The following PDE11A variants were observed in gnomAD, a reference collection of about 807,000 sequenced individuals.
PDE11A encodes phosphodiesterase 11A.
Under a neutral mutation model 100.5 loss-of-function variants are expected in PDE11A, and 100 were observed. The ratio of observed to expected loss-of-function variants is 1.00; its 90% CI spans 0.85 to 1.18. The LOEUF is 1.18. PDE11A is among the 50% of genes most tolerant of loss of function. The pLI, the probability that PDE11A is intolerant of heterozygous loss-of-function variation, is 0.00. For missense variants in PDE11A, 1,141 were observed against 1,152.6 expected (o/e 0.99, Z 0.15); for synonymous variants, 381 against 420.8 (o/e 0.91, Z 1.16).
At chr2:177,697,665 A>T (rs2081134098) in intron 14 of PDE11A, among the ~76,000 whole-genome samples, 1 of 152,228 alleles carries the variant, frequency 6.6e-6, no homozygotes, top group African/African-American at 2.4e-5. Flanking sequence ...TTAGTCTCAA[A>T]GGGAAAATCT....
intron 13 of PDE11A, chr2:177,702,531 T>C (rs1356818174): frequency 6.6e-6 from 1 of 152,182 alleles, no homozygotes; most frequent in Non-Finnish European, 1.5e-5. Context: ...AACTTGGAAA[T>C]GCTGGAGATT....
intron 2 of PDE11A, among the ~76,000 whole-genome samples, chr2:178,081,287 C>T (rs896903713): frequency 1.3e-5 from 2 of 152,022 alleles, no homozygotes; most frequent in African/African-American, 2.4e-5. Context: ...ACATAACCTG[C>T]TTTTTAATGA....
chr2:178,003,264 C>T (rs2086166626), intron 2 of PDE11A, among the ~76,000 whole-genome samples: 1 of 152,004 alleles, frequency 6.6e-6, no homozygotes, highest in Non-Finnish European at 1.5e-5. Context: ...TTCATAGAAG[C>T]ATTATTCATA....
chr2:177,667,862 G>A (rs1196681077), intron 18 of PDE11A, among the ~76,000 whole-genome samples: 1 of 152,136 alleles, frequency 6.6e-6, no homozygotes, highest in East Asian at 1.9e-4. Flanking sequence ...ATTAGCCTTT[G>A]TCTCCATGAA....
intron 7 of PDE11A, 44 bp from the exon 8 acceptor site, chr2:177,817,969 C>A (rs1217309189): frequency 4.5e-6 from 4 of 893,638 alleles, no homozygotes; most frequent in Non-Finnish European, 5.7e-6. Flanking sequence ...TAGTACTGGA[C>A]ATTGTGTTTC....
rs566468143 is a variant in PDE11A at position 177,684,059 on chromosome 2, T to C, written c.2346-3156A>G. Among the ~76,000 whole-genome samples the C allele has an allele frequency of 3.9e-5, 6 of 152,344 alleles. No homozygotes were observed. In the South Asian group the frequency reaches 1.2e-3, roughly 32 times the overall value. On this transcript the variant is annotated intron_variant, in intron 15 of 19. Transcript: ENST00000286063. ...ATACAAATTGGACTAACTGGACTAA[T>C]GGAGATCTAACAGTTTGCCCAGTTT...
At chr2:177,876,979 T>C (rs2105697584) in intron 4 of PDE11A, among the ~76,000 whole-genome samples, 1 of 147,846 alleles carries the variant, frequency 6.8e-6, no homozygotes, top group East Asian at 1.9e-4. Flanking sequence ...GCCAGATGGT[T>C]GAAGCTTAAA....
chr2:178,103,164 G>T (rs919755146), intron 2 of PDE11A, among the ~76,000 whole-genome samples: 2 of 143,426 alleles, frequency 1.4e-5, no homozygotes, highest in African/African-American at 5.3e-5. Flanking sequence ...TGTTGTTGTT[G>T]TTAAATATAC....
intron 6 of PDE11A, among the ~76,000 whole-genome samples, chr2:177,839,867 G>GATA (rs1390463262): frequency 6.6e-6 from 1 of 152,170 alleles, no homozygotes; most frequent in Non-Finnish European, 1.5e-5. Context: ...TATCAACACA[G>GATA]TGTGCCTAGA....
chr2:177,678,257 G>A (rs1048929721), intron 16 of PDE11A, among the ~76,000 whole-genome samples: 1 of 152,120 alleles, frequency 6.6e-6, no homozygotes, highest in Non-Finnish European at 1.5e-5. Context: ...AAACACAAAC[G>A]ACACCCAGAG....
intron 10 of PDE11A, among the ~76,000 whole-genome samples, chr2:177,746,841 C>T (rs983236505): frequency 1.3e-5 from 2 of 152,104 alleles, no homozygotes; most frequent in Non-Finnish European, 2.9e-5. Flanking sequence ...ATGAAACTTG[C>T]AGTATAGAGA....
intron 4 of PDE11A, among the ~76,000 whole-genome samples, chr2:177,891,481 A>G (rs1182247939): frequency 6.6e-6 from 1 of 152,226 alleles, no homozygotes. Context: ...GCTTATTCTC[A>G]TCAGAATTGA....
intron 9 of PDE11A, among the ~76,000 whole-genome samples, chr2:177,787,182 C>A (rs1016523798): frequency 2.1e-5 from 3 of 146,022 alleles, no homozygotes; most frequent in Non-Finnish European, 3.0e-5. Flanking sequence ...AGACTAACAG[C>A]GGATCTCTCG....
At chr2:177,943,482 G>T (rs541246606) in intron 2 of PDE11A, among the ~76,000 whole-genome samples, 64 of 152,246 alleles carry the variant, frequency 4.2e-4, no homozygotes, top group African/African-American at 1.4e-3. Context: ...AATGATAAAT[G>T]ATGTTGAGCA....
intron 12 of PDE11A, among the ~76,000 whole-genome samples, chr2:177,725,503 G>A (rs2081587454): frequency 6.6e-6 from 1 of 152,074 alleles, no homozygotes; most frequent in Non-Finnish European, 1.5e-5. Flanking sequence ...ACCCTCCTTA[G>A]AGAAATTTGA....
chr2:177,718,966 C>A (rs548530497), intron 12 of PDE11A, among the ~76,000 whole-genome samples: 75 of 152,298 alleles, frequency 4.9e-4, no homozygotes, highest in Middle Eastern at 6.8e-3. Flanking sequence ...GACAGCCGCC[C>A]CTTGCTGCAC....
At chr2:177,641,575 T>G (rs1559122422) in intron 19 of PDE11A, among the ~76,000 whole-genome samples, 1 of 152,150 alleles carries the variant, frequency 6.6e-6, no homozygotes, top group Non-Finnish European at 1.5e-5. Flanking sequence ...ACTCCTTCCC[T>G]CCCCAGTTCA....
At chr2:178,015,369 C>T (rs907837344) in intron 1 of PDE11A, among the ~76,000 whole-genome samples, 6 of 152,032 alleles carry the variant, frequency 3.9e-5, no homozygotes, top group Non-Finnish European at 7.4e-5. Flanking sequence ...AATCATCAGT[C>T]ATTCTATCAG....
In PDE11A at chr2:177,711,777, G is replaced by A. The variant is rs35194777; in HGVS notation, c.2145C>T (p.Phe715=). ...DLDHRGTNNA[F]QAKSGSALAQ... is the part of the protein sequence containing the mutation. ...CAGTTTAGAACACTTACTTAGCTTG[G>A]AAGGCATTGTTGGTTCCCCTGTGGT... is the stretch of plus-strand genomic sequence containing the variant. Residue 715 remains phenylalanine, a synonymous_variant, in exon 13 of 20, where the codon TTC becomes TTT. Coordinates refer to ENST00000286063, the MANE Select transcript of PDE11A (RefSeq NM_016953.4). The A allele has an allele frequency of 2.4e-4, 371 of 1,555,350 alleles. 1 individual carries two copies. The African/African-American group carries it at 4.6e-3, about 19-fold the overall frequency.
Sources: gnomAD v4.1 joint callset for allele counts (sites outside exome capture counted in the v4.1 genomes callset) on GRCh38, gnomAD v4.1.1 for gene constraint, MANE v1.5 for transcripts, NCBI Gene and HGNC (gene_info 2026-07-23, HGNC 2026-07-21) for gene names.